The following PTPRN2 variants were observed in gnomAD, a reference collection of about 807,000 sequenced individuals.
The protein encoded by PTPRN2 is protein tyrosine phosphatase receptor type N2, also known as receptor-type tyrosine-protein phosphatase N2.
Under a neutral mutation model 118.8 loss-of-function variants are expected in PTPRN2, and 74 were observed. The observed-to-expected ratio is 0.62, with a 90% CI of 0.52 to 0.76. PTPRN2 has a LOEUF of 0.76. Among genes scored for constraint, PTPRN2 ranks in the 30% least tolerant of loss-of-function variants. PTPRN2 has a pLI of 0.00. For synonymous variants in PTPRN2, 641 were observed against 608.0 expected, an observed-to-expected ratio of 1.05 and a Z score of -0.80; for missense variants, 1,481 against 1,394.4, an observed-to-expected ratio of 1.06 and a Z score of -0.99.
rs80259110 is a variant in PTPRN2, at chr7:157,643,854, T to C, written c.2196+12503A>G. On this transcript the variant is annotated intron_variant, in intron 14 of 22. Coordinates refer to ENST00000389418, the MANE Select transcript of PTPRN2 (RefSeq NM_002847.5). ...GTTCGTCACCAACTCGTGCAGCAGA[T>C]AGACGGCAGTCCGGGCTGTGGCAGG... is the stretch of plus-strand genomic sequence containing the variant. 2.7e-4 allele frequency among the ~76,000 whole-genome samples: 41 copies of C among 152,326 alleles called. 1 individual carries two copies. The East Asian group carries it at 7.3e-3, about 27-fold the overall frequency.
chr7:158,067,893 G>A (rs1228735670), intron 11 of PTPRN2, among the ~76,000 whole-genome samples: 1 of 152,066 alleles, frequency 6.6e-6, no homozygotes, highest in Non-Finnish European at 1.5e-5. Context: ...GCACACCAGG[G>A]CAGGCCGGGT....
At chr7:157,895,998 A>G (rs962798880) in intron 12 of PTPRN2, among the ~76,000 whole-genome samples, 1 of 152,074 alleles carries the variant, frequency 6.6e-6, no homozygotes, top group African/African-American at 2.4e-5. Flanking sequence ...GGCCTGAGTG[A>G]AAGGGAGCAC....
chr7:157,860,589 G>A (rs74412648), intron 12 of PTPRN2, among the ~76,000 whole-genome samples: 2,679 of 152,350 alleles, frequency 0.018, 52 homozygotes, highest in East Asian at 0.062. Context: ...GCGTTTCCAC[G>A]CTGGAACTAG....
intron 3 of PTPRN2, among the ~76,000 whole-genome samples, chr7:158,240,255 A>AAGAG (rs10532382): frequency 6.6e-6 from 1 of 151,340 alleles, no homozygotes; most frequent in African/African-American, 2.4e-5. Flanking sequence ...TATACCAAAA[A>AAGAG]AGAGAGAGAG....
intron 2 of PTPRN2, among the ~76,000 whole-genome samples, chr7:158,412,788 C>A (rs1448079422): frequency 1.4e-5 from 2 of 139,186 alleles, no homozygotes; most frequent in Non-Finnish European, 3.1e-5. Context: ...CATCCAGCAC[C>A]CTCCTCAGCT....
At chr7:158,090,137 AC>A (rs1214179273) in intron 10 of PTPRN2, among the ~76,000 whole-genome samples, 1 of 136,356 alleles carries the variant, frequency 7.3e-6, no homozygotes, top group Non-Finnish European at 1.6e-5. Context: ...GTCTTCACAC[AC>A]ATCCTTCTTC....
chr7:158,274,308 AGGAGCCGCAGCCACAGGG>A (rs1798788434), intron 3 of PTPRN2, among the ~76,000 whole-genome samples: 5 of 125,646 alleles, frequency 4.0e-5, no homozygotes, highest in Admixed American at 8.1e-5. Flanking sequence ...GAGACACACA[AGGAGCCGCAGCCACAGGG>A]GGAGCCGCAG....
intron 14 of PTPRN2, among the ~76,000 whole-genome samples, chr7:157,640,141 C>T (rs555040618): frequency 7.4e-4 from 113 of 152,278 alleles, no homozygotes; most frequent in African/African-American, 2.6e-3. Flanking sequence ...CCTTAATAAA[C>T]GTGTTAGAAA....
At chr7:158,349,735 G>C (rs1486524817) in intron 2 of PTPRN2, among the ~76,000 whole-genome samples, 3 of 112,826 alleles carry the variant, frequency 2.7e-5, no homozygotes, top group Non-Finnish European at 5.6e-5. Flanking sequence ...TGTGCTCCCT[G>C]GGTGGTCCCT....
chr7:158,418,350 C>T (rs1186104208), intron 2 of PTPRN2, among the ~76,000 whole-genome samples: 8 of 149,470 alleles, frequency 5.4e-5, no homozygotes, highest in African/African-American at 1.5e-4. Flanking sequence ...CTCCGTGTCC[C>T]GCTGTGTTAA....
intron 11 of PTPRN2, among the ~76,000 whole-genome samples, chr7:157,941,512 C>T (rs1038270343): frequency 6.6e-6 from 1 of 152,024 alleles, no homozygotes; most frequent in African/African-American, 2.4e-5. Context: ...AACTCCCTCC[C>T]CCATGACACT....
At chr7:157,928,357 A>C (rs1799149392) in intron 11 of PTPRN2, among the ~76,000 whole-genome samples, 1 of 152,156 alleles carries the variant, frequency 6.6e-6, no homozygotes, top group East Asian at 1.9e-4. Flanking sequence ...GGATGCACCC[A>C]GCCTCCCTGA....
rs1466269734 is a variant in PTPRN2 at position 157,974,942 on chromosome 7, T to G, written c.1724-76205A>C. ...TGGGAGTGAGCAGAGGACCAGGGTA[T>G]GGAACAAGCCCTAGTCAGAAATGCC... On this transcript the variant is annotated intron_variant, in intron 11 of 22. Coordinates refer to ENST00000389418, the MANE Select transcript of PTPRN2 (RefSeq NM_002847.5). This position sits in a 1 kb window ranked among gnomAD's most constrained non-coding sequence, Gnocchi z 4.0. Among the ~76,000 whole-genome samples the G allele has an allele frequency of 1.3e-5, 2 of 151,772 alleles. No homozygotes were observed. Among genetic ancestry groups the G allele is most frequent in the Non-Finnish European group, 2.9e-5 (2 of 67,940 alleles).
At position 157,674,209 on chromosome 7, in the gene PTPRN2, A is replaced by G. The variant is rs1796549943; in HGVS notation, c.2001+8516T>C. 6.6e-6 allele frequency among the ~76,000 whole-genome samples: 1 copy of G among 152,126 alleles called. No individual in the cohort carries two copies. Among genetic ancestry groups the G allele is most frequent in the Admixed American group, 6.5e-5 (1 of 15,284 alleles). ...GGCGGGGCTCACAGAGCAGAGAGCC[A>G]TGGAGAGCTCCGGGCCGAAGGGGAC... is the stretch of plus-strand genomic sequence containing the variant. On this transcript the variant is annotated intron_variant, in intron 13 of 22. Coordinates refer to ENST00000389418, the MANE Select transcript of PTPRN2 (RefSeq NM_002847.5). The surrounding 1 kb of genome is among the most constrained non-coding windows in gnomAD (Gnocchi z 4.5).
intron 3 of PTPRN2, among the ~76,000 whole-genome samples, chr7:158,269,389 A>C (rs1007317328): frequency 2.0e-5 from 3 of 152,070 alleles, no homozygotes; most frequent in Non-Finnish European, 2.9e-5. Context: ...TTCTGCTTTG[A>C]CCTTTGCTGC....
chr7:158,338,604 G>C (rs1444175399), intron 2 of PTPRN2, among the ~76,000 whole-genome samples: 5 of 33,858 alleles, frequency 1.5e-4, no homozygotes, highest in African/African-American at 1.7e-4. Context: ...TAAGAGCTGA[G>C]GCCCACAGAG....
intron 17 of PTPRN2, among the ~76,000 whole-genome samples, chr7:157,580,150 AC>A (rs1016530740): frequency 3.3e-5 from 5 of 152,152 alleles, no homozygotes; most frequent in African/African-American, 1.2e-4. Flanking sequence ...GGAAGTGCTA[AC>A]CCCTGGCACC....
At chr7:158,412,216 A>G (rs1466416018) in intron 2 of PTPRN2, among the ~76,000 whole-genome samples, 1 of 98,378 alleles carries the variant, frequency 1.0e-5, no homozygotes, top group African/African-American at 4.3e-5. Flanking sequence ...ACCAGGGCCC[A>G]TCTCAGCACC....
chr7:158,136,705 A>G lies in PTPRN2; in HGVS notation c.1133-10T>C, dbSNP rs1383989849. On this transcript the variant is annotated splice_polypyrimidine_tract_variant and intron_variant, in intron 7 of 22. Coordinates refer to ENST00000389418, the MANE Select transcript of PTPRN2 (RefSeq NM_002847.5). ...TCCTGCACTCCGTCATCTGTAAAAG[A>G]CACCAGTGTTACCAAGACCCTCATC... 1 of 1,613,598 alleles carries G rather than the reference A, an allele frequency of 6.2e-7. No individual in the cohort carries two copies. Among genetic ancestry groups the G allele is most frequent in the Non-Finnish European group, 8.5e-7 (1 of 1,179,598 alleles).
Sources: allele counts gnomAD v4.1 joint callset (sites outside exome capture counted in the v4.1 genomes callset), GRCh38; gene constraint gnomAD v4.1.1; non-coding constraint Gnocchi (gnomAD v3.1); transcripts MANE v1.5; gene names NCBI Gene and HGNC (gene_info 2026-07-23, HGNC 2026-07-21).